RIT2: variants seen among roughly 807,000 people sequenced by gnomAD.
RIT2 encodes Ras like without CAAX 2.
A neutral mutation model predicts 23.7 loss-of-function variants in RIT2; 24 were observed. That is an observed-to-expected ratio of 1.01 (90% CI 0.73 to 1.43). RIT2 has a LOEUF of 1.43. Among genes scored for constraint, RIT2 ranks in the 40% most tolerant of loss-of-function variants. The pLI, the probability that RIT2 is intolerant of heterozygous loss-of-function variation, is 0.00. For missense variants in RIT2, 236 were observed against 266.9 expected, an observed-to-expected ratio of 0.88 and a Z score of 0.81; for synonymous variants, 107 against 91.1, an observed-to-expected ratio of 1.17 and a Z score of -0.99.
intron 2 of RIT2, among the ~76,000 whole-genome samples, chr18:43,009,534 G>A (rs1488849067): frequency 6.6e-6 from 1 of 151,682 alleles, no homozygotes; most frequent in Non-Finnish European, 1.5e-5. Context: ...CATTGGTGAA[G>A]TTCAGAGAAA....
intron 4 of RIT2, among the ~76,000 whole-genome samples, chr18:42,811,880 A>T (rs1365061688): frequency 6.6e-6 from 1 of 152,138 alleles, no homozygotes; most frequent in Non-Finnish European, 1.5e-5. Flanking sequence ...GAATGCAAAG[A>T]TCTAGATCTA....
intron 1 of RIT2, among the ~76,000 whole-genome samples, chr18:43,088,778 C>T (rs1340868112): frequency 1.3e-5 from 2 of 152,108 alleles, no homozygotes; most frequent in Non-Finnish European, 2.9e-5. Flanking sequence ...GAATCCATAG[C>T]TACCAACCAA....
At chr18:43,093,406 A>T (rs932331470) in intron 1 of RIT2, among the ~76,000 whole-genome samples, 2 of 152,074 alleles carry the variant, frequency 1.3e-5, no homozygotes, top group Non-Finnish European at 2.9e-5. Flanking sequence ...CAAAAATCAC[A>T]CTTACTTCAG....
At chr18:42,972,969 C>A (rs957270153) in intron 3 of RIT2, among the ~76,000 whole-genome samples, 1 of 151,702 alleles carries the variant, frequency 6.6e-6, no homozygotes, top group African/African-American at 2.4e-5. Flanking sequence ...ATTTACAGTT[C>A]TCTTGATTTG....
rs145436849 is a variant in RIT2 at position 42,851,923 on chromosome 18, T to C, written c.426+71649A>G. On this transcript the variant is annotated intron_variant, in intron 4 of 4. Coordinates refer to ENST00000326695, the MANE Select transcript of RIT2 (RefSeq NM_002930.4). ...TAACTCCCATGGGTAATATTTGCTC[T>C]CTCAGGTATCTGAAGAGGCGACAGT... 3.9e-5 allele frequency among the ~76,000 whole-genome samples: 6 copies of C among 152,300 alleles called. No homozygotes were observed. The East Asian group carries it at 1.2e-3, about 29-fold the overall frequency.
At chr18:42,818,281 G>A (rs770649758) in intron 4 of RIT2, among the ~76,000 whole-genome samples, 7 of 152,024 alleles carry the variant, frequency 4.6e-5, no homozygotes, top group Non-Finnish European at 8.8e-5. Context: ...TAGGCAAGAT[G>A]GATCTGTAAA....
Position 42,784,881 on chromosome 18 carries a change from T to C in RIT2, c.427-41161A>G, listed in dbSNP as rs568264571. On this transcript the variant is annotated intron_variant, in intron 4 of 4. Transcript: ENST00000326695. ...CTTGAATCTCTTCTCTGTCATTTCC[T>C]TGCTATGTATCATTAGACACGTAAC... Among the ~76,000 whole-genome samples, 4 of 152,216 alleles carry C rather than the reference T, an allele frequency of 2.6e-5. No individual in the cohort carries two copies. In the South Asian group the frequency reaches 8.3e-4, roughly 32 times the overall value.
chr18:42,853,405 A>C (rs1907107099), intron 4 of RIT2, among the ~76,000 whole-genome samples: 1 of 152,230 alleles, frequency 6.6e-6, no homozygotes, highest in South Asian at 2.1e-4. Context: ...CTACGTTGAA[A>C]CATAGCAACT....
Position 43,064,003 on chromosome 18 carries a change from G to A in RIT2, c.104-30136C>T, listed in dbSNP as rs117205291. Among the ~76,000 whole-genome samples the A allele has an allele frequency of 1.5e-3, 235 of 152,192 alleles. 3 individuals are homozygous for A. The East Asian group carries it at 0.039, about 25-fold the overall frequency. On this transcript the variant is annotated intron_variant, in intron 1 of 4. Transcript: ENST00000326695. ...AGATGAAAAATTTACGTCCAGAGAA[G>A]GTAAAGGATTTGATTAGAGACTAAG...
At chr18:42,888,609 CAT>C (rs1353166283) in intron 4 of RIT2, among the ~76,000 whole-genome samples, 1 of 151,818 alleles carries the variant, frequency 6.6e-6, no homozygotes, top group African/African-American at 2.4e-5. Context: ...CACATGCACT[CAT>C]ATATTCACTG....
At chr18:42,764,338 T>C (rs1241332501) in intron 4 of RIT2, among the ~76,000 whole-genome samples, 1 of 152,216 alleles carries the variant, frequency 6.6e-6, no homozygotes, top group Non-Finnish European at 1.5e-5. Context: ...CCTCCCTCCA[T>C]GCCTGCCTAT....
intron 4 of RIT2, among the ~76,000 whole-genome samples, chr18:42,897,951 C>T (rs1274446289): frequency 6.6e-6 from 1 of 152,132 alleles, no homozygotes; most frequent in African/African-American, 2.4e-5. Flanking sequence ...TGGTTAACAT[C>T]TCTGGCAGCA....
intron 1 of RIT2, among the ~76,000 whole-genome samples, chr18:43,109,598 T>C (rs1208159987): frequency 1.3e-5 from 2 of 152,188 alleles, no homozygotes; most frequent in African/African-American, 4.8e-5. Flanking sequence ...TGTGATTTCT[T>C]CTCAACTTTC....
intron 3 of RIT2, chr18:42,948,852 A>G (rs901244241): frequency 4.9e-5 from 19 of 391,208 alleles, no homozygotes; most frequent in African/African-American, 3.5e-4. Context: ...CCTCTCCATT[A>G]TACCTCAAGA....
intron 4 of RIT2, among the ~76,000 whole-genome samples, chr18:42,787,384 C>T (rs1390740546): frequency 6.6e-6 from 1 of 151,636 alleles, no homozygotes; most frequent in Non-Finnish European, 1.5e-5. Context: ...ATGTAATAAA[C>T]CTGCACGTTG....
intron 1 of RIT2, among the ~76,000 whole-genome samples, chr18:43,108,627 T>A (rs1244398447): frequency 1.3e-5 from 2 of 152,324 alleles, no homozygotes; most frequent in East Asian, 1.9e-4. Flanking sequence ...CTCTCTTTCA[T>A]CAATTTAAAA....
At chr18:43,017,695 C>A (rs1383615939) in intron 2 of RIT2, among the ~76,000 whole-genome samples, 5 of 152,002 alleles carry the variant, frequency 3.3e-5, no homozygotes, top group African/African-American at 7.2e-5. Context: ...TCTCAATTAA[C>A]CCTCACAGGA....
At chr18:43,056,655 A>G (rs1381419178) in intron 1 of RIT2, among the ~76,000 whole-genome samples, 1 of 152,138 alleles carries the variant, frequency 6.6e-6, no homozygotes, top group Non-Finnish European at 1.5e-5. Flanking sequence ...AAGGTCGTAA[A>G]GAATTTGGGC....
At chr18:42,769,545 A>C (rs550380896) in intron 4 of RIT2, among the ~76,000 whole-genome samples, 1 of 152,194 alleles carries the variant, frequency 6.6e-6, no homozygotes, top group Non-Finnish European at 1.5e-5. Flanking sequence ...AAATTTCAAG[A>C]ATTGATTATG....
Sources: allele counts gnomAD v4.1 joint callset (sites outside exome capture counted in the v4.1 genomes callset), GRCh38; gene constraint gnomAD v4.1.1; transcripts MANE v1.5; gene names NCBI Gene and HGNC (gene_info 2026-07-23, HGNC 2026-07-21).